The following CSMD1 variants were observed in gnomAD, a reference collection of about 807,000 sequenced individuals.
CSMD1 encodes CUB and Sushi multiple domains 1, also known as CUB and sushi domain-containing protein 1.
In CSMD1, 213 loss-of-function variants were observed where a neutral mutation model predicts 417.5. The ratio of observed to expected loss-of-function variants is 0.51; its 90% CI spans 0.46 to 0.57. CSMD1 has a LOEUF of 0.57. Ranked by LOEUF, CSMD1 falls within the 20% of genes least tolerant of loss-of-function variation. CSMD1 has a pLI of 0.00. For synonymous variants in CSMD1, 2,862 were observed against 1,736.8 expected, an observed-to-expected ratio of 1.65 and a Z score of -16.11; for missense variants, 6,923 against 4,529.7, an observed-to-expected ratio of 1.53 and a Z score of -15.17.
chr8:4,787,718 A>G, intron 1 of CSMD1: 1 of 1,591,094 alleles, frequency 6.3e-7, no homozygotes, highest in South Asian at 1.1e-5. Flanking sequence ...GCTGCCAATA[A>G]TGACCCACAG....
At chr8:4,723,843 C>T (rs370200265) in intron 1 of CSMD1, among the ~76,000 whole-genome samples, 1 of 149,476 alleles carries the variant, frequency 6.7e-6, no homozygotes, top group South Asian at 2.1e-4. Context: ...TCATGGAGGA[C>T]CTTGTAAGGT....
At chr8:3,304,874 A>AAAAC (rs1238692116) in intron 25 of CSMD1, among the ~76,000 whole-genome samples, 1 of 152,164 alleles carries the variant, frequency 6.6e-6, no homozygotes, top group Non-Finnish European at 1.5e-5. Context: ...AATTTTAAGA[A>AAAAC]AAACAAAAAT....
chr8:3,777,458 G>A (rs1252417489), intron 5 of CSMD1, among the ~76,000 whole-genome samples: 4 of 152,186 alleles, frequency 2.6e-5, no homozygotes, highest in African/African-American at 9.7e-5. Context: ...AGGGAGCAGT[G>A]CTCATTCTGG....
At chr8:3,459,654 T>C (rs140560227) in intron 12 of CSMD1, among the ~76,000 whole-genome samples, 2 of 151,046 alleles carry the variant, frequency 1.3e-5, no homozygotes, top group South Asian at 4.2e-4. Context: ...CCAGGGGAGG[T>C]GGACTCAGAG....
At chr8:3,644,533 G>A (rs938835751) in intron 7 of CSMD1, among the ~76,000 whole-genome samples, 2 of 152,140 alleles carry the variant, frequency 1.3e-5, no homozygotes, top group Non-Finnish European at 2.9e-5. Flanking sequence ...TGATGAAAGA[G>A]GGTGAGAAAG....
intron 1 of CSMD1, among the ~76,000 whole-genome samples, chr8:4,754,824 G>T (rs1051759220): frequency 3.3e-5 from 5 of 152,032 alleles, no homozygotes. Flanking sequence ...ACTCCAGCCT[G>T]GGTGACGGAG....
At chr8:3,219,465 T>C (rs146794109) in intron 28 of CSMD1, 23 bp from the exon 29 acceptor site, 5 of 1,406,748 alleles carry the variant, frequency 3.6e-6, no homozygotes, top group East Asian at 5.4e-5. Flanking sequence ...ATAGTAATTA[T>C]GTCATACGGC....
chr8:4,156,538 C>T (rs932846735), intron 3 of CSMD1, among the ~76,000 whole-genome samples: 1 of 151,984 alleles, frequency 6.6e-6, no homozygotes, highest in South Asian at 2.1e-4. Flanking sequence ...ATTTGACTTA[C>T]TAAATTCAAA....
intron 4 of CSMD1, among the ~76,000 whole-genome samples, chr8:4,030,782 C>G (rs887600410): frequency 1.4e-4 from 22 of 152,132 alleles, no homozygotes; most frequent in Admixed American, 9.8e-4. Flanking sequence ...AACTTTTATG[C>G]TTTGCTTGCC....
intron 1 of CSMD1, among the ~76,000 whole-genome samples, chr8:4,942,362 T>C (rs893376844): frequency 5.3e-5 from 8 of 152,204 alleles, no homozygotes; most frequent in Non-Finnish European, 8.8e-5. Context: ...GGTACCCTTG[T>C]AGTTTGATGT....
At chr8:3,168,248 C>A (rs985417299) in intron 37 of CSMD1, among the ~76,000 whole-genome samples, 1 of 152,050 alleles carries the variant, frequency 6.6e-6, no homozygotes, top group East Asian at 1.9e-4. Flanking sequence ...CTATGTGGAA[C>A]GTAAGTGGTT....
chr8:3,930,789 T>A (rs144430838), intron 5 of CSMD1, among the ~76,000 whole-genome samples: 2 of 150,540 alleles, frequency 1.3e-5, no homozygotes, highest in Non-Finnish European at 3.0e-5. Context: ...ATTTCTAACA[T>A]GTACAAGGGT....
intron 3 of CSMD1, among the ~76,000 whole-genome samples, chr8:4,318,134 T>G (rs1161390831): frequency 1.3e-5 from 2 of 152,170 alleles, no homozygotes; most frequent in Non-Finnish European, 2.9e-5. Flanking sequence ...GCAACTACAT[T>G]GTTATTTATG....
chr8:3,132,166 C>T (rs1196424056), intron 41 of CSMD1, among the ~76,000 whole-genome samples: 2 of 152,176 alleles, frequency 1.3e-5, no homozygotes, highest in Non-Finnish European at 2.9e-5. Flanking sequence ...GGGTTTTACC[C>T]TCAGACCTCA....
chr8:3,734,383 G>C (rs1288682015), intron 6 of CSMD1, among the ~76,000 whole-genome samples: 1 of 152,178 alleles, frequency 6.6e-6, no homozygotes, highest in Admixed American at 6.5e-5. Context: ...ATTTGCTTCT[G>C]CCTGGAAGCA....
rs1373916574 is a variant in CSMD1 at position 3,924,210 on chromosome 8, A to G, written c.818+73693T>C. Reference sequence around the variant, plus strand: ...TACTTTCATAACTTTGGATATATCGATCCATTTTTTCCTGGTCTTCAGAAA... The same window carrying G: ...TACTTTCATAACTTTGGATATATCGGTCCATTTTTTCCTGGTCTTCAGAAA... On this transcript the variant is annotated intron_variant, in intron 5 of 69. Transcript: ENST00000635120. Among the ~76,000 whole-genome samples the G allele has an allele frequency of 1.3e-5, 2 of 152,100 alleles. 1 individual carries two copies. Among genetic ancestry groups the G allele is most frequent in the South Asian group, 4.1e-4 (2 of 4,826 alleles).
At chr8:4,835,502 A>C (rs527280367) in intron 1 of CSMD1, among the ~76,000 whole-genome samples, 1 of 152,150 alleles carries the variant, frequency 6.6e-6, no homozygotes, top group African/African-American at 2.4e-5. Flanking sequence ...TGCCTGTGAA[A>C]CAATGAGGTA....
At chr8:4,388,541 G>A (rs541307858) in intron 3 of CSMD1, among the ~76,000 whole-genome samples, 50 of 151,884 alleles carry the variant, frequency 3.3e-4, no homozygotes, top group African/African-American at 1.1e-3. Context: ...AGTGGATTTT[G>A]GGGACTGAGG....
chr8:3,471,191 C>G (rs780316613), intron 11 of CSMD1, among the ~76,000 whole-genome samples: 1 of 152,156 alleles, frequency 6.6e-6, no homozygotes, highest in Non-Finnish European at 1.5e-5. Flanking sequence ...CGGCATTTTT[C>G]CACACTTTAA....
Sources: allele counts gnomAD v4.1 joint callset (sites outside exome capture counted in the v4.1 genomes callset), GRCh38; gene constraint gnomAD v4.1.1; transcripts MANE v1.5; gene names NCBI Gene and HGNC (gene_info 2026-07-23, HGNC 2026-07-21).